SLC6A3: variants seen among roughly 807,000 people sequenced by gnomAD.
SLC6A3 encodes sodium-dependent dopamine transporter.
Under a neutral mutation model 70.4 loss-of-function variants are expected in SLC6A3, and 19 were observed. That is an observed-to-expected ratio of 0.27 (90% CI 0.19 to 0.40). The LOEUF (loss-of-function observed/expected upper bound fraction) is 0.40. Ranked by LOEUF, SLC6A3 falls within the 10% of genes least tolerant of loss-of-function variation. The pLI, the probability that SLC6A3 is intolerant of heterozygous loss-of-function variation, is 1.00. For synonymous variants in SLC6A3, 368 were observed against 356.6 expected (o/e 1.03, Z -0.36); for missense variants, 613 against 838.5 (o/e 0.73, Z 3.32).
At position 1,400,974 on chromosome 5, in the gene SLC6A3, C is replaced by T. The variant is rs1232190372; in HGVS notation, c.1780G>A (p.Ala594Thr). 1.1e-5 allele frequency: 17 copies of T among 1,596,164 alleles called. No individual in the cohort carries two copies. In the East Asian group the frequency reaches 1.1e-4, roughly 11 times the overall value. The part of the protein sequence containing the change: ...PGSFREKLAY[A>T]IAPEKDRELV... ...TCACGGTCCTTCTCGGGTGCAATGG[C>T]GTAGGCCAGTTTCTGAAAGAGAAAG... is the stretch of plus-strand genomic sequence containing the variant. Residue 594 changes from alanine to threonine, a missense_variant, in exon 14 of 15, where the codon GCC (alanine) becomes ACC (threonine). Ala to Thr is a moderately conservative substitution (Grantham distance 58). This residue lies in a region of SLC6A3 where 348 missense variants were observed against 481.2 expected (regional missense o/e 0.72). Transcript: ENST00000270349.
At chr5:1,432,060 A>G (rs1188098273) in intron 4 of SLC6A3, among the ~76,000 whole-genome samples, 2 of 152,116 alleles carry the variant, frequency 1.3e-5, no homozygotes, top group African/African-American at 4.8e-5. Context: ...CTATGCACAG[A>G]GGAAGGGTAG....
At chr5:1,432,209 G>A (rs1756720563) in intron 4 of SLC6A3, among the ~76,000 whole-genome samples, 1 of 152,148 alleles carries the variant, frequency 6.6e-6, no homozygotes, top group Non-Finnish European at 1.5e-5. Flanking sequence ...CTGCCGCTGG[G>A]AGCAGCCAAG....
rs374167146 is a variant in SLC6A3, at chr5:1,432,716, G to A, written c.419-18C>T. ...GCCCACACCTAGCGGGAAGGGGGAG[G>A]CCATGGAGCCCACGCAGGTGGAGCA... On this transcript the variant is annotated intron_variant, in intron 3 of 14. Transcript: ENST00000270349. 2 of 1,583,902 alleles carry A rather than the reference G, an allele frequency of 1.3e-6. No homozygotes were observed. The highest frequency in any genetic ancestry group is 1.7e-6 in the Non-Finnish European group (2 of 1,153,366).
Position 1,442,815 on chromosome 5 carries a change from G to C in SLC6A3, c.286+97C>G. 1 of 1,274,492 alleles carries C rather than the reference G, an allele frequency of 7.8e-7. No homozygotes were observed. Among genetic ancestry groups the C allele is most frequent in the Non-Finnish European group, 1.1e-6 (1 of 877,148 alleles). The allele number at this position is 1,274,492 out of a possible 1,614,324, so 78.9% of individuals were successfully genotyped here. ...CAGGGAGCTCCGTCTTCACGCATGG[G>C]AACAGCTTCATCTCGTTTCCGTACG... On this transcript the variant is annotated intron_variant, in intron 2 of 14. Coordinates refer to ENST00000270349, the MANE Select transcript of SLC6A3 (RefSeq NM_001044.5). This position sits in a 1 kb window ranked among gnomAD's most constrained non-coding sequence, Gnocchi z 5.0.
chr5:1,415,725 A>T lies in SLC6A3; in HGVS notation c.1031+373T>A, dbSNP rs1043538739. ...GGGGGACACACTCAGGGGGTTGTGA[A>T]GCTGGACCCTGAGCGAGGGAGGACA... On this transcript the variant is annotated intron_variant, in intron 7 of 14. Coordinates refer to ENST00000270349, the MANE Select transcript of SLC6A3 (RefSeq NM_001044.5). Among the ~76,000 whole-genome samples, 8 of 152,108 alleles carry T rather than the reference A, an allele frequency of 5.3e-5. No individual in the cohort carries two copies. The East Asian group carries it at 1.5e-3, about 29-fold the overall frequency.
At chr5:1,429,993 C>T (rs1046596470) in intron 4 of SLC6A3, among the ~76,000 whole-genome samples, 1 of 152,186 alleles carries the variant, frequency 6.6e-6, no homozygotes, top group Non-Finnish European at 1.5e-5. Flanking sequence ...TATCATTTCC[C>T]GCTTGCCTGT....
chr5:1,432,392 C>T, intron 4 of SLC6A3, 72 bp downstream of exon 4: 1 of 1,188,032 alleles, frequency 8.4e-7, no homozygotes, highest in Non-Finnish European at 1.2e-6. Context: ...GGCTGGTGTC[C>T]AACCAAGGGG....
At chr5:1,439,700 C>T (rs991168256) in intron 3 of SLC6A3, among the ~76,000 whole-genome samples, 10 of 152,220 alleles carry the variant, frequency 6.6e-5, no homozygotes, top group African/African-American at 1.4e-4. Context: ...CTATGAGTAT[C>T]CAGAGGCTGA....
In SLC6A3 at chr5:1,411,144, T is replaced by C; in HGVS notation, c.1269+99A>G. The C allele has an allele frequency of 1.2e-6, 1 of 837,864 alleles. No homozygotes were observed. The highest frequency in any genetic ancestry group is 2.0e-6 in the Non-Finnish European group (1 of 503,466). The allele number at this position is 837,864 out of a possible 1,614,324, so 51.9% of individuals were successfully genotyped here. A position where few individuals can be genotyped will look rare whatever the true frequency, so the allele number is the denominator to read the frequency against. On this transcript the variant is annotated intron_variant, in intron 9 of 14. Coordinates refer to ENST00000270349, the MANE Select transcript of SLC6A3 (RefSeq NM_001044.5). The surrounding 1 kb of genome is among the most constrained non-coding windows in gnomAD (Gnocchi z 6.5). The stretch of plus-strand genomic sequence containing the variant: ...GGACAGGAGGTCTGGGGGCCGTACG[T>C]GAGCCCAGGGATCTTGCCTAGCCCT...
rs752596665 is a variant in SLC6A3 at position 1,421,863 on chromosome 5, C to T, written c.792+13G>A. 13 of 1,612,922 alleles carry T rather than the reference C, an allele frequency of 8.1e-6. No homozygotes were observed. Among genetic ancestry groups the T allele is most frequent in the South Asian group, 2.2e-5 (2 of 91,080 alleles). ...CATGTCTACAGGCCCAATTGGTGAC[C>T]CCCGAGCCTCACCTTCCCTGAGGTC... On this transcript the variant is annotated intron_variant, in intron 5 of 14. Transcript: ENST00000270349. This position sits in a 1 kb window ranked among gnomAD's most constrained non-coding sequence, Gnocchi z 7.2.
chr5:1,431,063 A>T (rs1756689155), intron 4 of SLC6A3, among the ~76,000 whole-genome samples: 2 of 150,114 alleles, frequency 1.3e-5, no homozygotes, highest in African/African-American at 4.8e-5. Flanking sequence ...GAATCGCGCA[A>T]ACGTCCTCTC....
chr5:1,413,677 C>G lies in SLC6A3; in HGVS notation c.1156+1014G>C, dbSNP rs1756179458. On this transcript the variant is annotated intron_variant, in intron 8 of 14. Transcript: ENST00000270349. This position sits in a 1 kb window ranked among gnomAD's most constrained non-coding sequence, Gnocchi z 7.1. ...GAGCCCACCCAACCCAGGCCCGTGTCTGGAGCGAAAGGGCCTCCTCCACAT... is the reference window on the plus strand; with the variant it reads ...GAGCCCACCCAACCCAGGCCCGTGTGTGGAGCGAAAGGGCCTCCTCCACAT... 6.6e-6 allele frequency among the ~76,000 whole-genome samples: 1 copy of G among 152,190 alleles called. No individual in the cohort carries two copies. The highest frequency in any genetic ancestry group is 2.4e-5 in the African/African-American group (1 of 41,444).
In SLC6A3 at chr5:1,394,268, G is replaced by T; in HGVS notation, c.*467C>A. The T allele has an allele frequency of 4.3e-6, 1 of 234,822 alleles. No individual in the cohort carries two copies. Among genetic ancestry groups the T allele is most frequent in the South Asian group, 6.7e-5 (1 of 14,816 alleles). The allele number at this position is 234,822 out of a possible 1,614,324, so 14.5% of individuals were successfully genotyped here. A position where few individuals can be genotyped will look rare whatever the true frequency, so the allele number is the denominator to read the frequency against. Reference sequence around the variant, plus strand: ...TTCACCTTCTGCACAGCTAAACCAAGCAGGACACTTGGCTTTTTAATATGG... The same window carrying T: ...TTCACCTTCTGCACAGCTAAACCAATCAGGACACTTGGCTTTTTAATATGG... On this transcript the variant is annotated 3_prime_UTR_variant, in exon 15 of 15. Transcript: ENST00000270349. The surrounding 1 kb of genome is among the most constrained non-coding windows in gnomAD (Gnocchi z 4.7).
chr5:1,401,066 A>C lies in SLC6A3; in HGVS notation c.1768-80T>G. The C allele has an allele frequency of 1.9e-6, 2 of 1,047,304 alleles. No homozygotes were observed. The allele number at this position is 1,047,304 out of a possible 1,614,324, so 64.9% of individuals were successfully genotyped here. ...CCCACCACTGACTCACACTGCCAGG[A>C]CCCTCACCTACCAGCACCCTCACCA... On this transcript the variant is annotated intron_variant, in intron 13 of 14. Transcript: ENST00000270349. This position sits in a 1 kb window ranked among gnomAD's most constrained non-coding sequence, Gnocchi z 6.1.
chr5:1,412,284 T>G (rs1421163989), intron 8 of SLC6A3, among the ~76,000 whole-genome samples: 1 of 151,934 alleles, frequency 6.6e-6, no homozygotes, highest in Non-Finnish European at 1.5e-5. Flanking sequence ...TGCCACGGGG[T>G]CCCGCAGGCC....
At chr5:1,434,765 T>C (rs1438995178) in intron 3 of SLC6A3, among the ~76,000 whole-genome samples, 1 of 152,244 alleles carries the variant, frequency 6.6e-6, no homozygotes, top group African/African-American at 2.4e-5. Context: ...AGGTGACTTT[T>C]GCAGGGGGTG....
rs535129698 is a variant in SLC6A3 at position 1,417,096 on chromosome 5, C to T, written c.928-895G>A. Among the ~76,000 whole-genome samples, 58 of 151,978 alleles carry T rather than the reference C, an allele frequency of 3.8e-4. 1 individual carries two copies. The highest frequency in any genetic ancestry group is 1.4e-3 in the African/African-American group (57 of 41,450). ...CTTCACAACCCCCTGAGTGTGTCCC[C>T]CCATCCCATGTGCGCCCTGCTGCAT... On this transcript the variant is annotated intron_variant, in intron 6 of 14. Coordinates refer to ENST00000270349, the MANE Select transcript of SLC6A3 (RefSeq NM_001044.5).
intron 2 of SLC6A3, among the ~76,000 whole-genome samples, chr5:1,441,711 G>A (rs974159287): frequency 2.6e-5 from 4 of 152,094 alleles, no homozygotes; most frequent in African/African-American, 7.2e-5. Context: ...TTGTCATTGC[G>A]CACCTCGAGC....
intron 9 of SLC6A3, among the ~76,000 whole-genome samples, chr5:1,410,116 G>T (rs556071475): frequency 2.0e-5 from 3 of 152,328 alleles, no homozygotes; most frequent in African/African-American, 7.2e-5. Flanking sequence ...CTCTGGGTGG[G>T]TAAGATGCGG....
Sources: gnomAD v4.1 joint callset for allele counts (sites outside exome capture counted in the v4.1 genomes callset) on GRCh38, gnomAD v4.1.1 for gene constraint, gnomAD v4.1.1 regional missense constraint, Gnocchi (gnomAD v3.1) non-coding constraint, MANE v1.5 for transcripts, NCBI Gene and HGNC (gene_info 2026-07-23, HGNC 2026-07-21) for gene names.